Variants in CCDC150 observed in about 807,000 individuals in gnomAD.
CCDC150 encodes coiled-coil domain-containing protein 150.
Under a neutral mutation model 156.5 loss-of-function variants are expected in CCDC150, and 151 were observed. The ratio of observed to expected loss-of-function variants is 0.97; its 90% CI spans 0.85 to 1.10. The LOEUF is 1.10. CCDC150 is among the 50% of genes least tolerant of loss of function. The pLI is 0.00. For missense variants in CCDC150, 1,312 were observed against 1,268.1 expected, an observed-to-expected ratio of 1.03 and a Z score of -0.53; for synonymous variants, 452 against 429.4, an observed-to-expected ratio of 1.05 and a Z score of -0.65.
At chr2:196,681,890 T>G (rs1407941746) in intron 13 of CCDC150, among the ~76,000 whole-genome samples, 1 of 152,128 alleles carries the variant, frequency 6.6e-6, no homozygotes, top group East Asian at 1.9e-4. Context: ...TTTGCAGGTA[T>G]TTTCTCCCAT....
chr2:196,690,246 G>A (rs144878676), intron 13 of CCDC150, among the ~76,000 whole-genome samples: 3,849 of 151,948 alleles, frequency 0.025, 68 homozygotes, highest in Non-Finnish European at 0.035. Flanking sequence ...GAGGGAGGAG[G>A]GGGGAGGGAT....
At chr2:196,685,564 A>G (rs149283481) in intron 13 of CCDC150, among the ~76,000 whole-genome samples, 54 of 151,308 alleles carry the variant, frequency 3.6e-4, no homozygotes, top group Admixed American at 2.0e-3. Flanking sequence ...GTTTTTGAGG[A>G]TAGGTTTGCT....
At chr2:196,699,202 T>C (rs1696032932) in intron 14 of CCDC150, among the ~76,000 whole-genome samples, 1 of 152,208 alleles carries the variant, frequency 6.6e-6, no homozygotes, top group African/African-American at 2.4e-5. Context: ...CTGGTCTAAA[T>C]GCTTTTTAAA....
At chr2:196,657,200 A>G in intron 4 of CCDC150, 64 bp downstream of exon 4, 1 of 1,485,722 alleles carries the variant, frequency 6.7e-7, no homozygotes, top group Non-Finnish European at 9.2e-7. Flanking sequence ...GAGGTAACAG[A>G]CCTATGACGC....
intron 2 of CCDC150, among the ~76,000 whole-genome samples, chr2:196,647,610 T>G (rs561069788): frequency 6.6e-6 from 1 of 152,238 alleles, no homozygotes; most frequent in African/African-American, 2.4e-5. Flanking sequence ...TTCTTTTTCC[T>G]TTTTTTATAT....
intron 7 of CCDC150, among the ~76,000 whole-genome samples, 153 bp from the exon 8 acceptor site, chr2:196,669,680 A>G (rs1694076790): frequency 6.6e-6 from 1 of 152,198 alleles, no homozygotes; most frequent in Non-Finnish European, 1.5e-5. Context: ...TGGTAATTCC[A>G]TAACAGTTTC....
At chr2:196,642,730 A>G (rs896347274) in intron 1 of CCDC150, among the ~76,000 whole-genome samples, 3 of 151,846 alleles carry the variant, frequency 2.0e-5, no homozygotes, top group African/African-American at 7.3e-5. Flanking sequence ...TAACCCTGAG[A>G]CTTGTTTTCA....
chr2:196,670,905 TAA>T (rs1485813808), intron 8 of CCDC150, among the ~76,000 whole-genome samples: 2 of 152,176 alleles, frequency 1.3e-5, no homozygotes, highest in Admixed American at 6.5e-5. Flanking sequence ...GAACAGAAGA[TAA>T]AGAGATTTCC....
At chr2:196,661,179 T>C (rs1693536366) in intron 5 of CCDC150, among the ~76,000 whole-genome samples, 1 of 152,352 alleles carries the variant, frequency 6.6e-6, no homozygotes, top group Non-Finnish European at 1.5e-5. Context: ...GCAGAAGTAC[T>C]ATGCTAGTCA....
Position 196,731,169 on chromosome 2 carries a change from A to T in CCDC150, c.3069+224A>T, listed in dbSNP as rs1698496885. Among the ~76,000 whole-genome samples the T allele has an allele frequency of 3.9e-5, 6 of 152,322 alleles. No homozygotes were observed. In the South Asian group the frequency reaches 1.2e-3, roughly 32 times the overall value. ...ATGATATATAACAGAATGCTAAAAT[A>T]TTAAACCTGAAGTCCAAATCTCCCT... is the stretch of plus-strand genomic sequence containing the variant. On this transcript the variant is annotated intron_variant, in intron 26 of 27. Transcript: ENST00000389175.
chr2:196,662,693 A>C (rs1693625632), intron 5 of CCDC150, among the ~76,000 whole-genome samples: 1 of 152,120 alleles, frequency 6.6e-6, no homozygotes, highest in Non-Finnish European at 1.5e-5. Flanking sequence ...TAACACAAAT[A>C]GGCAAAGTGT....
chr2:196,715,438 A>G (rs760156543), intron 17 of CCDC150, among the ~76,000 whole-genome samples: 4 of 152,326 alleles, frequency 2.6e-5, no homozygotes, highest in Non-Finnish European at 4.4e-5. Flanking sequence ...TTGTATAAGC[A>G]TAGACTGTCT....
chr2:196,713,564 C>T, intron 17 of CCDC150: 2 of 1,549,244 alleles, frequency 1.3e-6, no homozygotes, highest in Non-Finnish European at 1.7e-6. Flanking sequence ...TAGGATCTCT[C>T]TAAAGACTCT....
chr2:196,671,088 G>T (rs1013249606), intron 8 of CCDC150, among the ~76,000 whole-genome samples: 7 of 152,040 alleles, frequency 4.6e-5, no homozygotes, highest in Admixed American at 3.9e-4. Flanking sequence ...TTACATTAGG[G>T]TTCACTCTTG....
intron 10 of CCDC150, among the ~76,000 whole-genome samples, chr2:196,675,554 T>A (rs1346925266): frequency 6.6e-6 from 1 of 152,156 alleles, no homozygotes; most frequent in African/African-American, 2.4e-5. Context: ...ATATGGTACA[T>A]AAAAATGTCA....
chr2:196,710,311 G>A (rs558643916), intron 15 of CCDC150, among the ~76,000 whole-genome samples: 96 of 152,374 alleles, frequency 6.3e-4, no homozygotes, highest in Non-Finnish European at 1.2e-3. Flanking sequence ...CAAGCCAGGC[G>A]CAGGATATAA....
Position 196,656,987 on chromosome 2 carries a change from C to A in CCDC150, c.427C>A (p.Gln143Lys), listed in dbSNP as rs1454985092. ...AFLKDRLNAI[Q>K]EEHSKDLKLL... ...TCTGAAAGATCGACTGAATGCAATACAGGAAGAGCATTCTAAGGACCTGAA... is the reference window on the plus strand; with the variant it reads ...TCTGAAAGATCGACTGAATGCAATAAAGGAAGAGCATTCTAAGGACCTGAA... The change falls in exon 4 of 28, where the codon CAG (glutamine) becomes AAG (lysine). Residue 143 changes from glutamine (Q) to lysine (K), a missense_variant. Physicochemically the swap from Gln to Lys is moderately conservative, Grantham distance 53. Transcript: ENST00000389175. 9 of 1,613,534 alleles carry A rather than the reference C, an allele frequency of 5.6e-6. No homozygotes were observed. Among genetic ancestry groups the A allele is most frequent in the African/African-American group, 1.3e-5 (1 of 75,026 alleles).
intron 21 of CCDC150, 80 bp from the exon 22 acceptor site, chr2:196,725,893 T>A (rs1698179355): frequency 1.5e-6 from 2 of 1,350,352 alleles, no homozygotes; most frequent in Non-Finnish European, 2.0e-6. Context: ...TTTTGGAGAG[T>A]TGCACACTCC....
At chr2:196,670,419 G>A (rs1464406874) in intron 8 of CCDC150, among the ~76,000 whole-genome samples, 2 of 152,074 alleles carry the variant, frequency 1.3e-5, no homozygotes, top group Non-Finnish European at 2.9e-5. Flanking sequence ...TGGGAAAATA[G>A]AAGGGTAGTT....
Sources: allele counts gnomAD v4.1 joint callset (sites outside exome capture counted in the v4.1 genomes callset), GRCh38; gene constraint gnomAD v4.1.1; transcripts MANE v1.5; gene names NCBI Gene and HGNC (gene_info 2026-07-23, HGNC 2026-07-21).